Variants in MALRD1 observed in about 807,000 individuals in gnomAD.
MALRD1 encodes the protein MAM and LDL-receptor class A domain-containing protein 1.
In MALRD1, 247 loss-of-function variants were observed where a neutral mutation model predicts 242.1. The ratio of observed to expected loss-of-function variants is 1.02; its 90% CI spans 0.92 to 1.13. The LOEUF is 1.13. Among genes scored for constraint, MALRD1 ranks in the 50% most tolerant of loss-of-function variants. The pLI is 0.00. For synonymous variants in MALRD1, 995 were observed against 866.6 expected, an observed-to-expected ratio of 1.15 and a Z score of -2.60; for missense variants, 2,989 against 2,533.1, an observed-to-expected ratio of 1.18 and a Z score of -3.86.
chr10:19,297,356 AATC>A (rs1841753689), intron 21 of MALRD1, among the ~76,000 whole-genome samples: 1 of 151,864 alleles, frequency 6.6e-6, no homozygotes, highest in South Asian at 2.1e-4. Context: ...TTAATTCTAT[AATC>A]ATAAGATTAA....
At chr10:19,290,678 C>T (rs1397546781) in intron 21 of MALRD1, among the ~76,000 whole-genome samples, 1 of 152,146 alleles carries the variant, frequency 6.6e-6, no homozygotes, top group African/African-American at 2.4e-5. Flanking sequence ...TGTACCCATT[C>T]ATGCTCCAAC....
chr10:19,501,232 G>T lies in MALRD1; in HGVS notation c.5320+2586G>T, dbSNP rs571001365. 2.0e-5 allele frequency among the ~76,000 whole-genome samples: 3 copies of T among 152,276 alleles called. No individual in the cohort carries two copies. In the East Asian group the frequency reaches 5.8e-4, roughly 29 times the overall value. ...AAGGTGTCTCAACCTGGTTGCTAAT[G>T]ACATTTGGGTCAGTCTAATTAATTA... is the stretch of plus-strand genomic sequence containing the variant. On this transcript the variant is annotated intron_variant, in intron 31 of 39. Coordinates refer to ENST00000454679, the MANE Select transcript of MALRD1 (RefSeq NM_001142308.3).
At chr10:19,576,693 C>T (rs532222114) in intron 33 of MALRD1, among the ~76,000 whole-genome samples, 1 of 152,290 alleles carries the variant, frequency 6.6e-6, no homozygotes, top group Non-Finnish European at 1.5e-5. Flanking sequence ...ATCCCCTCAT[C>T]TCCATGATTT....
At chr10:19,657,509 A>G (rs1369654389) in intron 36 of MALRD1, among the ~76,000 whole-genome samples, 2 of 151,974 alleles carry the variant, frequency 1.3e-5, no homozygotes, top group Admixed American at 6.6e-5. Flanking sequence ...GACTACAAAG[A>G]CAGTAAATTA....
chr10:19,147,568 C>A (rs895059075), intron 11 of MALRD1, among the ~76,000 whole-genome samples: 1 of 152,146 alleles, frequency 6.6e-6, no homozygotes. Flanking sequence ...TATTTTACTT[C>A]TTTTTCTCTG....
At chr10:19,606,498 G>A (rs1017566297) in intron 34 of MALRD1, among the ~76,000 whole-genome samples, 3 of 152,100 alleles carry the variant, frequency 2.0e-5, no homozygotes, top group African/African-American at 7.2e-5. Flanking sequence ...GGTACTCAGA[G>A]GAGCAGGGTT....
chr10:19,136,180 C>A (rs924078180), intron 9 of MALRD1, among the ~76,000 whole-genome samples: 1 of 152,202 alleles, frequency 6.6e-6, no homozygotes, highest in African/African-American at 2.4e-5. Flanking sequence ...GACAACACTT[C>A]TTATTTTCCT....
chr10:19,634,964 A>G (rs1001107318), intron 36 of MALRD1, among the ~76,000 whole-genome samples: 6 of 152,156 alleles, frequency 3.9e-5, no homozygotes, highest in Non-Finnish European at 8.8e-5. Flanking sequence ...TGAAATTAGA[A>G]TGAAGAAATG....
At position 19,088,133 on chromosome 10, in the gene MALRD1, C is replaced by T; in HGVS notation, c.545C>T (p.Pro182Leu). ...QHLWQNTAAL[P>L]NQWERNVIKI... The stretch of plus-strand genomic sequence containing the variant: ...TTATGGCAAAACACAGCTGCACTCC[C>T]AAATCAGTGGGAGAGAAATGTCATC... Residue 182 changes from proline to leucine, a missense_variant, in exon 4 of 40, where the codon CCA (proline) becomes CTA (leucine). Transcript: ENST00000454679. 1 of 1,233,502 alleles carries T rather than the reference C, an allele frequency of 8.1e-7. No individual in the cohort carries two copies. The allele number at this position is 1,233,502 out of a possible 1,614,324, so 76.4% of individuals were successfully genotyped here.
chr10:19,432,763 G>A (rs890765619), intron 28 of MALRD1, among the ~76,000 whole-genome samples: 2 of 152,170 alleles, frequency 1.3e-5, no homozygotes, highest in Non-Finnish European at 2.9e-5. Context: ...GATATTTGAA[G>A]AGAAAAAGCC....
intron 38 of MALRD1, among the ~76,000 whole-genome samples, chr10:19,697,960 A>G (rs1460273158): frequency 6.6e-6 from 1 of 152,064 alleles, no homozygotes; most frequent in Non-Finnish European, 1.5e-5. Flanking sequence ...TTCCTCCTCT[A>G]CACATTCTCC....
At chr10:19,607,963 A>T in intron 35 of MALRD1, 61 bp downstream of exon 35, 1 of 1,521,622 alleles carries the variant, frequency 6.6e-7, no homozygotes, top group East Asian at 2.5e-5. Flanking sequence ...CTGCAACACA[A>T]TGAAAATATT....
intron 32 of MALRD1, among the ~76,000 whole-genome samples, chr10:19,541,698 A>G (rs1305653666): frequency 2.6e-5 from 4 of 152,198 alleles, no homozygotes; most frequent in African/African-American, 7.2e-5. Flanking sequence ...GACAAGGTAC[A>G]CTTAGGAGTG....
intron 21 of MALRD1, among the ~76,000 whole-genome samples, chr10:19,287,332 A>G (rs1841173618): frequency 6.6e-6 from 1 of 151,974 alleles, no homozygotes; most frequent in African/African-American, 2.4e-5. Flanking sequence ...GGCTTCCTCT[A>G]TTGACATCCT....
chr10:19,389,744 A>G (rs1589008348), intron 28 of MALRD1, 135 bp downstream of exon 28: 1 of 907,620 alleles, frequency 1.1e-6, no homozygotes, highest in Admixed American at 3.1e-5. Flanking sequence ...GACTCAAGCG[A>G]TCCTCCTGCC....
intron 9 of MALRD1, among the ~76,000 whole-genome samples, chr10:19,134,334 T>C (rs115005086): frequency 0.022 from 3,357 of 152,276 alleles, 137 homozygotes; most frequent in African/African-American, 0.076. Context: ...TTATAACACA[T>C]GGAAAGCTCT....
intron 20 of MALRD1, among the ~76,000 whole-genome samples, chr10:19,280,684 A>C (rs72796455): frequency 2.0e-5 from 3 of 152,234 alleles, no homozygotes; most frequent in East Asian, 1.9e-4. Context: ...CTTAATGCAA[A>C]TGAGACCTTT....
chr10:19,477,826 C>T (rs963259881), intron 29 of MALRD1, among the ~76,000 whole-genome samples: 7 of 152,066 alleles, frequency 4.6e-5, no homozygotes, highest in Non-Finnish European at 7.4e-5. Context: ...GTCATCCCAC[C>T]GTAATCTTTT....
intron 10 of MALRD1, among the ~76,000 whole-genome samples, 192 bp from the exon 11 acceptor site, chr10:19,146,006 G>T (rs1833714382): frequency 6.6e-6 from 1 of 152,044 alleles, no homozygotes; most frequent in Non-Finnish European, 1.5e-5. Flanking sequence ...CATGTGGAAG[G>T]GTCATGCCTC....
Sources: allele counts gnomAD v4.1 joint callset (sites outside exome capture counted in the v4.1 genomes callset), GRCh38; gene constraint gnomAD v4.1.1; transcripts MANE v1.5; gene names NCBI Gene and HGNC (gene_info 2026-07-23, HGNC 2026-07-21).